CNTRL: variants seen among roughly 807,000 people sequenced by gnomAD.
CNTRL encodes centriolin, also known as 110 kDa centrosomal protein.
A neutral mutation model predicts 303.7 loss-of-function variants in CNTRL; 233 were observed. The observed-to-expected ratio is 0.77, with a 90% CI of 0.69 to 0.86. The LOEUF (loss-of-function observed/expected upper bound fraction) is 0.86. CNTRL is among the 40% of genes least tolerant of loss of function. CNTRL has a pLI of 0.00. For missense variants in CNTRL, 2,524 were observed against 2,650.6 expected, an observed-to-expected ratio of 0.95 and a Z score of 1.05; for synonymous variants, 900 against 922.2, an observed-to-expected ratio of 0.98 and a Z score of 0.44.
At chr9:121,135,565 C>A (rs906082876) in intron 14 of CNTRL, among the ~76,000 whole-genome samples, 2 of 152,134 alleles carry the variant, frequency 1.3e-5, no homozygotes, top group Admixed American at 6.5e-5. Context: ...AGAACTGGTC[C>A]CTTTGAAAAA....
At position 121,177,411 on chromosome 9, in the gene CNTRL, T is replaced by G. The variant is rs2132005495; in HGVS notation, c.*225T>G. On this transcript the variant is annotated 3_prime_UTR_variant, in exon 44 of 44. Coordinates refer to ENST00000373855, the MANE Select transcript of CNTRL (RefSeq NM_007018.6). ...GCATATGGGAATTTAAACCAACATGTGGCTGAGCCTTTTTTTTTTTAATCT... is the reference window on the plus strand; with the variant it reads ...GCATATGGGAATTTAAACCAACATGGGGCTGAGCCTTTTTTTTTTTAATCT... The G allele has an allele frequency of 7.1e-6, 3 of 423,462 alleles. No individual in the cohort carries two copies. The East Asian group carries it at 1.1e-4, about 15-fold the overall frequency. 26.2% of individuals were successfully genotyped at this position (423,462 alleles called of 1,614,324 possible).
chr9:121,158,280 A>G (rs190720310), intron 30 of CNTRL, among the ~76,000 whole-genome samples, 171 bp downstream of exon 30: 140 of 152,360 alleles, frequency 9.2e-4, no homozygotes, highest in African/African-American at 3.2e-3. Flanking sequence ...TGAATAAAAA[A>G]AGTGGGTCTC....
At chr9:121,153,369 G>A (rs181064779) in intron 26 of CNTRL, among the ~76,000 whole-genome samples, 12 of 152,222 alleles carry the variant, frequency 7.9e-5, no homozygotes, top group East Asian at 5.8e-4. Context: ...CTACTTTCCT[G>A]TGGTTTCCTC....
chr9:121,177,603 A>G lies in CNTRL; in HGVS notation c.*417A>G, dbSNP rs1485670590. The G allele has an allele frequency of 5.2e-6, 1 of 193,490 alleles. No individual in the cohort carries two copies. The highest frequency in any genetic ancestry group is 2.3e-5 in the African/African-American group (1 of 42,982). 12.0% of individuals were successfully genotyped at this position (193,490 alleles called of 1,614,324 possible). ...ATTTTTCATATGAAAATAAAAGATA[A>G]CAATCAACTTGGGTCTGTCCTCTGA... On this transcript the variant is annotated 3_prime_UTR_variant, in exon 44 of 44. Coordinates refer to ENST00000373855, the MANE Select transcript of CNTRL (RefSeq NM_007018.6).
intron 34 of CNTRL, among the ~76,000 whole-genome samples, chr9:121,162,886 G>A (rs1262745626): frequency 1.3e-5 from 2 of 152,048 alleles, no homozygotes; most frequent in Non-Finnish European, 2.9e-5. Flanking sequence ...GAAATAAACT[G>A]ACATATATGT....
chr9:121,146,003 T>C, intron 22 of CNTRL, 105 bp from the exon 23 acceptor site: 1 of 1,023,278 alleles, frequency 9.8e-7, no homozygotes, highest in Middle Eastern at 3.1e-4. Flanking sequence ...AAGTCAGCTT[T>C]GAGGAACTGA....
intron 12 of CNTRL, among the ~76,000 whole-genome samples, chr9:121,121,308 T>G (rs2050213788): frequency 6.6e-6 from 1 of 152,180 alleles, no homozygotes; most frequent in Non-Finnish European, 1.5e-5. Flanking sequence ...GATGAAAATG[T>G]GATATAGAAA....
At chr9:121,153,134 A>T (rs1309820251) in intron 26 of CNTRL, among the ~76,000 whole-genome samples, 1 of 151,512 alleles carries the variant, frequency 6.6e-6, no homozygotes, top group Non-Finnish European at 1.5e-5. Flanking sequence ...CCTTTCTGTC[A>T]TCTCCCCTTC....
rs2134172050 is a variant in CNTRL at position 121,148,817 on chromosome 9, A to G, written c.3605A>G (p.Tyr1202Cys). ...CCCCCTGCCTCAGGATACTGGGTTT[A>G]TTCTCCCATCAGGAGTGGGTTACAT... ...QPPPASGYWV[Y>C]SPIRSGLHKL... The change falls in exon 24 of 44, where the codon TAT (tyrosine) becomes TGT (cysteine). Residue 1202 changes from tyrosine to cysteine, a missense_variant. Physicochemically the swap from Tyr to Cys is radical, Grantham distance 194. Transcript: ENST00000373855. 1.4e-5 allele frequency: 22 copies of G among 1,613,884 alleles called. No homozygotes were observed. The highest frequency in any genetic ancestry group is 1.9e-5 in the Non-Finnish European group (22 of 1,179,990).
intron 35 of CNTRL, 71 bp from the exon 36 acceptor site, chr9:121,166,036 G>T: frequency 8.6e-7 from 1 of 1,157,452 alleles, no homozygotes; most frequent in Non-Finnish European, 1.3e-6. Flanking sequence ...CTACTTTTTG[G>T]GAATGCTAAT....
At chr9:121,163,707 G>T (rs1300426569) in intron 34 of CNTRL, among the ~76,000 whole-genome samples, 1 of 152,066 alleles carries the variant, frequency 6.6e-6, no homozygotes, top group South Asian at 2.1e-4. Flanking sequence ...GATTTGAATA[G>T]ACATTTCATT....
In CNTRL at chr9:121,145,323, C is replaced by G. The variant is rs2051782101; in HGVS notation, c.3248C>G (p.Thr1083Arg). ...QVLEIEKLNE[T>R]MERQRTEIAR... ...CTAGAAATTGAGAAACTGAATGAGA[C>G]AATGGAACGACAAAGGACAGAGATT... is the stretch of plus-strand genomic sequence containing the variant. Residue 1083 changes from threonine (T) to arginine (R), a missense_variant, in exon 22 of 44, where the codon ACA becomes AGA. Coordinates refer to ENST00000373855, the MANE Select transcript of CNTRL (RefSeq NM_007018.6). 35 of 1,613,938 alleles carry G rather than the reference C, an allele frequency of 2.2e-5. No individual in the cohort carries two copies. Among genetic ancestry groups the G allele is most frequent in the Non-Finnish European group, 2.9e-5 (34 of 1,179,976 alleles).
chr9:121,117,577 C>T (rs2133270386), intron 11 of CNTRL, among the ~76,000 whole-genome samples: 1 of 152,266 alleles, frequency 6.6e-6, no homozygotes, highest in African/African-American at 2.4e-5. Flanking sequence ...CCACAAACTC[C>T]TAGTATGACC....
Position 121,167,616 on chromosome 9 carries a change from A to G in CNTRL, c.5783A>G (p.Gln1928Arg), listed in dbSNP as rs754637552. ...AAAGAAGAGGAGACAAAACAACAAC[A>G]ACTTCAAGTGCTTCAGAATGAGATT... ...CQKEEETKQQ[Q>R]LQVLQNEIEE... The change falls in exon 37 of 44, where the codon CAA (glutamine) becomes CGA (arginine). Residue 1928 changes from glutamine (Q) to arginine (R), a missense_variant. Physicochemically the swap from Gln to Arg is conservative, Grantham distance 43. Transcript: ENST00000373855. The G allele has an allele frequency of 9.9e-6, 16 of 1,614,224 alleles. No homozygotes were observed. In the Admixed American group the frequency reaches 2.7e-4, roughly 27 times the overall value.
At position 121,148,769 on chromosome 9, in the gene CNTRL, A is replaced by G; in HGVS notation, c.3557A>G (p.Asp1186Gly). ...AGAAAACCACGCCCTGGGCAGCAGGATGGGAAGGAAGGCAGTCAACCTCCC... is the reference window on the plus strand; with the variant it reads ...AGAAAACCACGCCCTGGGCAGCAGGGTGGGAAGGAAGGCAGTCAACCTCCC... ...PVRKPRPGQQ[D>G]GKEGSQPPPA... The change falls in exon 24 of 44, where the codon GAT (aspartate) becomes GGT (glycine). Residue 1186 changes from aspartate (D) to glycine (G), a missense_variant. By Grantham distance (94) the Asp-to-Gly change is moderately conservative. Coordinates refer to ENST00000373855, the MANE Select transcript of CNTRL (RefSeq NM_007018.6). The G allele has an allele frequency of 1.9e-6, 3 of 1,614,138 alleles. No individual in the cohort carries two copies. Among genetic ancestry groups the G allele is most frequent in the South Asian group, 1.1e-5 (1 of 91,074 alleles).
At chr9:121,124,208 A>G in intron 13 of CNTRL, 124 bp downstream of exon 13, 2 of 835,364 alleles carry the variant, frequency 2.4e-6, no homozygotes, top group Non-Finnish European at 3.5e-6. Flanking sequence ...AGTATTTGAT[A>G]GGGAAATATT....
chr9:121,083,765 T>A (rs1212318674), intron 2 of CNTRL, among the ~76,000 whole-genome samples: 1 of 152,244 alleles, frequency 6.6e-6, no homozygotes, highest in African/African-American at 2.4e-5. Flanking sequence ...AGTAGGTTTG[T>A]TTACACCAAC....
chr9:121,112,444 A>C lies in CNTRL; in HGVS notation c.1003-15A>C. On this transcript the variant is annotated splice_polypyrimidine_tract_variant and intron_variant, in intron 8 of 43. Transcript: ENST00000373855. ...CTGATCCTGTATGTTGTCTCATATC[A>C]AATTGGGCCAATAGCTAAAACAGAA... 2 of 1,611,136 alleles carry C rather than the reference A, an allele frequency of 1.2e-6. No individual in the cohort carries two copies. The highest frequency in any genetic ancestry group is 1.7e-6 in the Non-Finnish European group (2 of 1,177,986).
Position 121,108,013 on chromosome 9 carries a change from A to G in CNTRL, c.1002+18A>G. 4 of 1,532,324 alleles carry G rather than the reference A, an allele frequency of 2.6e-6. No homozygotes were observed. The highest frequency in any genetic ancestry group is 3.5e-6 in the Non-Finnish European group (4 of 1,136,442). The allele number at this position is 1,532,324 out of a possible 1,614,324, so 94.9% of individuals were successfully genotyped here. On this transcript the variant is annotated intron_variant, in intron 8 of 43. Transcript: ENST00000373855. Reference sequence around the variant, plus strand: ...ATGAATTGGTAAGTTCATATTTTACATTGCTTTGGCTGTATTCTCATAAGA... The same window carrying G: ...ATGAATTGGTAAGTTCATATTTTACGTTGCTTTGGCTGTATTCTCATAAGA...
Sources: allele counts gnomAD v4.1 joint callset (sites outside exome capture counted in the v4.1 genomes callset), GRCh38; gene constraint gnomAD v4.1.1; transcripts MANE v1.5; gene names NCBI Gene and HGNC (gene_info 2026-07-23, HGNC 2026-07-21).